Variants in ROR2 observed in about 807,000 individuals in gnomAD.
ROR2 encodes ROR family WNT receptor 2, also known as tyrosine-protein kinase transmembrane receptor ROR2.
In ROR2, 33 loss-of-function variants were observed where a neutral mutation model predicts 74.9. That is an observed-to-expected ratio of 0.44 (90% CI 0.33 to 0.59). The LOEUF (loss-of-function observed/expected upper bound fraction) is 0.59, where lower values mean the gene tolerates loss of function less well. Among genes scored for constraint, ROR2 ranks in the 20% least tolerant of loss-of-function variants. The probability of loss-of-function intolerance (pLI) is 0.02; values close to 1 mark genes in which losing one functional copy is unlikely to be tolerated. For synonymous variants in ROR2, 586 were observed against 558.7 expected (o/e 1.05, Z -0.69); for missense variants, 1,216 against 1,313.8 (o/e 0.93, Z 1.15).
chr9:91,939,350 T>C (rs1249455857), intron 1 of ROR2, among the ~76,000 whole-genome samples: 2 of 152,232 alleles, frequency 1.3e-5, no homozygotes, highest in African/African-American at 2.4e-5. Flanking sequence ...CGCATCATGG[T>C]TTTCGTGCTC....
At chr9:91,852,935 C>T (rs1485765543) in intron 1 of ROR2, among the ~76,000 whole-genome samples, 3 of 152,246 alleles carry the variant, frequency 2.0e-5, no homozygotes, top group South Asian at 2.1e-4. Context: ...GCCCCTCCTG[C>T]GTTCGCCACC....
intron 1 of ROR2, among the ~76,000 whole-genome samples, chr9:91,889,562 T>C (rs983655020): frequency 2.0e-5 from 3 of 152,146 alleles, no homozygotes; most frequent in Admixed American, 6.5e-5. Flanking sequence ...ACAGGCTGCA[T>C]AGCTGCCCAC....
chr9:91,895,019 A>C (rs989111710), intron 1 of ROR2, among the ~76,000 whole-genome samples: 12 of 152,262 alleles, frequency 7.9e-5, no homozygotes, highest in Non-Finnish European at 1.5e-4. Flanking sequence ...ACTTGGAAGC[A>C]GATGTCCTTC....
intron 1 of ROR2, among the ~76,000 whole-genome samples, chr9:91,942,435 C>T (rs573524023): frequency 2.0e-5 from 3 of 152,302 alleles, no homozygotes; most frequent in South Asian, 4.1e-4. Flanking sequence ...AACATGTCTT[C>T]TTTAATGAGT....
intron 1 of ROR2, among the ~76,000 whole-genome samples, chr9:91,876,397 G>A (rs1319297223): frequency 1.3e-5 from 2 of 151,574 alleles, no homozygotes; most frequent in Non-Finnish European, 2.9e-5. Flanking sequence ...TGAAAGTGAA[G>A]GCCTCAGGAA....
chr9:91,925,740 G>A (rs534001495), intron 1 of ROR2, among the ~76,000 whole-genome samples: 2 of 152,284 alleles, frequency 1.3e-5, no homozygotes, highest in South Asian at 2.1e-4. Context: ...GAGAGCCAGA[G>A]AGAAGAAAAC....
At chr9:91,759,175 G>T (rs80189775) in intron 2 of ROR2, among the ~76,000 whole-genome samples, 6,431 of 152,240 alleles carry the variant, frequency 0.042, 280 homozygotes, top group East Asian at 0.16. Context: ...AGTGTTGTAG[G>T]ATCCTCCAGC....
intron 1 of ROR2, among the ~76,000 whole-genome samples, chr9:91,949,052 G>T (rs1336613880): frequency 6.6e-6 from 1 of 151,866 alleles, no homozygotes; most frequent in Non-Finnish European, 1.5e-5. Flanking sequence ...GTGGGGCCCC[G>T]GGAGGAAACC....
intron 1 of ROR2, among the ~76,000 whole-genome samples, chr9:91,898,338 CT>C (rs766307591): frequency 1.4e-4 from 21 of 152,134 alleles, no homozygotes; most frequent in Non-Finnish European, 2.8e-4. Context: ...GTGCTTAGTG[CT>C]GGGTGCATAT....
intron 1 of ROR2, among the ~76,000 whole-genome samples, chr9:91,907,331 G>A (rs1313418947): frequency 6.6e-6 from 1 of 152,064 alleles, no homozygotes; most frequent in African/African-American, 2.4e-5. Flanking sequence ...ACACACATGG[G>A]AATGTCCTTC....
Position 91,778,360 on chromosome 9 carries a change from G to A in ROR2, c.98-2542C>T, listed in dbSNP as rs148365534. 3.7e-3 allele frequency among the ~76,000 whole-genome samples: 564 copies of A among 152,330 alleles called. 2 individuals carry two copies. The highest frequency in any genetic ancestry group is 0.013 in the African/African-American group (534 of 41,588). Reference sequence around the variant, plus strand: ...TGGTGGTGACTGCCAACCCGATATGGCTGGTGAATGATCACGGTCGTGCGC... The same window carrying A: ...TGGTGGTGACTGCCAACCCGATATGACTGGTGAATGATCACGGTCGTGCGC... On this transcript the variant is annotated intron_variant, in intron 1 of 8. Transcript: ENST00000375708.
intron 2 of ROR2, among the ~76,000 whole-genome samples, chr9:91,766,848 A>AATTAAAAG (rs1161104544): frequency 6.6e-6 from 1 of 152,204 alleles, no homozygotes; most frequent in Non-Finnish European, 1.5e-5. Flanking sequence ...ACAGAACAGA[A>AATTAAAAG]GTCTTCCCTT....
At chr9:91,859,798 C>G (rs1399103529) in intron 1 of ROR2, among the ~76,000 whole-genome samples, 3 of 152,158 alleles carry the variant, frequency 2.0e-5, no homozygotes, top group Non-Finnish European at 4.4e-5. Context: ...GTACTTCAGC[C>G]AGGGCAACAG....
chr9:91,805,612 T>G (rs748540439), intron 1 of ROR2, among the ~76,000 whole-genome samples: 5 of 152,180 alleles, frequency 3.3e-5, no homozygotes, highest in Non-Finnish European at 5.9e-5. Context: ...GAGGAAGAAA[T>G]GCCAGCGTGG....
intron 4 of ROR2, among the ~76,000 whole-genome samples, chr9:91,739,084 T>C (rs1825131447): frequency 6.6e-6 from 1 of 152,222 alleles, no homozygotes; most frequent in African/African-American, 2.4e-5. Context: ...GGACAAGCCT[T>C]GCATGAGCAC....
chr9:91,726,189 G>A (rs1277639874), intron 8 of ROR2, among the ~76,000 whole-genome samples: 1 of 152,148 alleles, frequency 6.6e-6, no homozygotes, highest in Non-Finnish European at 1.5e-5. Context: ...AAAGTGTCAA[G>A]AAAAATTATG....
chr9:91,853,068 G>A (rs1314244393), intron 1 of ROR2, among the ~76,000 whole-genome samples: 1 of 152,260 alleles, frequency 6.6e-6, no homozygotes, highest in African/African-American at 2.4e-5. Context: ...ACCAGCCCCA[G>A]AGCAAGGCGA....
chr9:91,863,961 A>G (rs977053395), intron 1 of ROR2, among the ~76,000 whole-genome samples: 1 of 152,210 alleles, frequency 6.6e-6, no homozygotes, highest in African/African-American at 2.4e-5. Context: ...GGAAATGGGA[A>G]GGGAAGGGGA....
intron 1 of ROR2, among the ~76,000 whole-genome samples, chr9:91,927,976 G>T (rs145728337): frequency 2.8e-4 from 43 of 152,238 alleles, no homozygotes; most frequent in African/African-American, 9.1e-4. Flanking sequence ...CCACTAGCTA[G>T]AGACTGCCCT....
Sources: allele counts gnomAD v4.1 joint callset (sites outside exome capture counted in the v4.1 genomes callset), GRCh38; gene constraint gnomAD v4.1.1; transcripts MANE v1.5; gene names NCBI Gene and HGNC (gene_info 2026-07-23, HGNC 2026-07-21).